The following CALB1 variants were observed in gnomAD, a reference collection of about 807,000 sequenced individuals.
The protein encoded by CALB1 is calbindin.
A neutral mutation model predicts 46.7 loss-of-function variants in CALB1; 16 were observed. That is an observed-to-expected ratio of 0.34 (90% CI 0.23 to 0.52). The LOEUF (loss-of-function observed/expected upper bound fraction) is 0.52. Ranked by LOEUF, CALB1 falls within the 20% of genes least tolerant of loss-of-function variation. CALB1 has a pLI of 0.95. For synonymous variants in CALB1, 90 were observed against 112.8 expected, an observed-to-expected ratio of 0.80 and a Z score of 1.28; for missense variants, 224 against 300.3, an observed-to-expected ratio of 0.75 and a Z score of 1.88.
rs1001785413 is a variant in CALB1 at position 90,058,857 on chromosome 8, G to A, written c.*1316C>T. 7.9e-5 allele frequency: 12 copies of A among 152,136 alleles called. No homozygotes were observed. The highest frequency in any genetic ancestry group is 2.9e-4 in the African/African-American group (12 of 41,436). The allele number at this position is 152,136 out of a possible 1,614,324, so 9.4% of individuals were successfully genotyped here. On this transcript the variant is annotated 3_prime_UTR_variant, in exon 11 of 11. Transcript: ENST00000265431. ...GGGGACATTCAAGCTGACCCAGAAC[G>A]ATCATTAACTCCTAGGCAGTAACTG...
chr8:90,071,928 T>C (rs969279600), intron 3 of CALB1, among the ~76,000 whole-genome samples: 1 of 152,244 alleles, frequency 6.6e-6, no homozygotes, highest in Non-Finnish European at 1.5e-5. Flanking sequence ...AATACTTTTC[T>C]GCATCCCCTG....
intron 3 of CALB1, among the ~76,000 whole-genome samples, chr8:90,072,941 A>G (rs1814559931): frequency 6.6e-6 from 1 of 152,124 alleles, no homozygotes; most frequent in East Asian, 1.9e-4. Context: ...GGAAATAAGT[A>G]GAATCCCTCA....
In CALB1 at chr8:90,082,797, G is replaced by T; in HGVS notation, c.-100C>A. 1 of 1,180,702 alleles carries T rather than the reference G, an allele frequency of 8.5e-7. No homozygotes were observed. The highest frequency in any genetic ancestry group is 1.3e-6 in the Non-Finnish European group (1 of 788,604). The allele number at this position is 1,180,702 out of a possible 1,614,324, so 73.1% of individuals were successfully genotyped here. ...CTCAGCGTGTGCGCGAGTCAGGGCT[G>T]CGGAGGGAGACCTGGGCGCGGGCGC... On this transcript the variant is annotated 5_prime_UTR_variant, in exon 1 of 11. Coordinates refer to ENST00000265431, the MANE Select transcript of CALB1 (RefSeq NM_004929.4).
At chr8:90,078,502 T>A in intron 2 of CALB1, 55 bp from the exon 3 acceptor site, 5 of 993,232 alleles carry the variant, frequency 5.0e-6, no homozygotes, top group Non-Finnish European at 6.2e-6. Context: ...CAGTTATGCT[T>A]GTGATGGTGT....
intron 5 of CALB1, among the ~76,000 whole-genome samples, chr8:90,068,550 G>C (rs934143396): frequency 1.3e-5 from 2 of 151,822 alleles, no homozygotes; most frequent in African/African-American, 4.9e-5. Flanking sequence ...TCCTCAATGG[G>C]GTAATACAAT....
chr8:90,060,736 T>C lies in CALB1; in HGVS notation c.601-36A>G, dbSNP rs199901852. 3 of 1,428,562 alleles carry C rather than the reference T, an allele frequency of 2.1e-6. No homozygotes were observed. In the African/African-American group the frequency reaches 4.2e-5, roughly 20 times the overall value. The allele number at this position is 1,428,562 out of a possible 1,614,324, so 88.5% of individuals were successfully genotyped here. ...AGAAATAAAATAGTATACAACCAAC[T>C]CCATCTACAGTAGTGGGAAATGAAG... On this transcript the variant is annotated intron_variant, in intron 9 of 10. Coordinates refer to ENST00000265431, the MANE Select transcript of CALB1 (RefSeq NM_004929.4).
intron 2 of CALB1, among the ~76,000 whole-genome samples, chr8:90,080,174 T>C (rs570473747): frequency 6.6e-5 from 10 of 151,960 alleles, no homozygotes; most frequent in Non-Finnish European, 1.0e-4. Context: ...CCTATAACTA[T>C]GCTTGTTTAG....
rs991091073 is a variant in CALB1 at position 90,082,112 on chromosome 8, C to T, written c.80-10G>A. On this transcript the variant is annotated splice_polypyrimidine_tract_variant and intron_variant, in intron 1 of 10. Coordinates refer to ENST00000265431, the MANE Select transcript of CALB1 (RefSeq NM_004929.4). ...TCCAGGTAACCACTTCCTGCAAAGA[C>T]AAAGAGGCACCCAGGTGTCAGATAT... The T allele has an allele frequency of 6.2e-7, 1 of 1,610,730 alleles. No individual in the cohort carries two copies. The highest frequency in any genetic ancestry group is 1.1e-5 in the South Asian group (1 of 90,924).
intron 3 of CALB1, among the ~76,000 whole-genome samples, chr8:90,077,041 G>C (rs1814634234): frequency 6.6e-6 from 1 of 151,906 alleles, no homozygotes; most frequent in Non-Finnish European, 1.5e-5. Context: ...CTCTAAAAGA[G>C]CCAATCCGTA....
At chr8:90,065,215 A>C (rs956565871) in intron 6 of CALB1, among the ~76,000 whole-genome samples, 2 of 151,250 alleles carry the variant, frequency 1.3e-5, no homozygotes, top group East Asian at 1.9e-4. Flanking sequence ...TTTATCTGGA[A>C]CCTTATTTAT....
At chr8:90,067,429 C>T (rs1814421534) in intron 5 of CALB1, among the ~76,000 whole-genome samples, 1 of 152,042 alleles carries the variant, frequency 6.6e-6, no homozygotes, top group Non-Finnish European at 1.5e-5. Flanking sequence ...TCATTATGAA[C>T]TAAAAAGGAT....
At chr8:90,077,926 A>G (rs1586184847) in intron 3 of CALB1, among the ~76,000 whole-genome samples, 1 of 152,082 alleles carries the variant, frequency 6.6e-6, no homozygotes, top group African/African-American at 2.4e-5. Context: ...TTTCACAGGG[A>G]CTGCAAACAT....
At chr8:90,066,762 G>A (rs1805872) in intron 5 of CALB1, among the ~76,000 whole-genome samples, 6,381 of 152,152 alleles carry the variant, frequency 0.042, 197 homozygotes, top group East Asian at 0.1. Flanking sequence ...CCATATAAGT[G>A]ACAGTGTAAG....
intron 6 of CALB1, chr8:90,064,289 G>T (rs1351057784): frequency 6.6e-6 from 1 of 151,662 alleles, no homozygotes; most frequent in Non-Finnish European, 1.5e-5. Context: ...ATCTTTTGTA[G>T]GAGGCAGATT....
In CALB1 at chr8:90,060,216, T is replaced by G; in HGVS notation, c.743A>C (p.Tyr248Ser). The change falls in exon 11 of 11, where the codon TAC (tyrosine) becomes TCC (serine). Residue 248 changes from tyrosine (Y) to serine (S), a missense_variant. By Grantham distance (144) the Tyr-to-Ser change is moderately radical. Transcript: ENST00000265431. ...IMALSDGGKL[Y>S]RTDLALILCA... is the part of the protein sequence containing the mutation. ...GAGAATAAGAGCAAGATCCGTTCGG[T>G]ACAGCTTCCCTCCATCCGACAAAGC... 6.2e-7 allele frequency: 1 copy of G among 1,613,854 alleles called. No individual in the cohort carries two copies. The highest frequency in any genetic ancestry group is 8.5e-7 in the Non-Finnish European group (1 of 1,179,742).
In CALB1 at chr8:90,059,163, A is replaced by T. The variant is rs1414361858; in HGVS notation, c.*1010T>A. ...TTTTGAATGCTGATCTCAATATGAA[A>T]TATAGAATCCACAGAATACACAAAA... On this transcript the variant is annotated 3_prime_UTR_variant, in exon 11 of 11. Transcript: ENST00000265431. The T allele has an allele frequency of 2.6e-5, 4 of 152,642 alleles. No individual in the cohort carries two copies. The highest frequency in any genetic ancestry group is 1.3e-4 in the Admixed American group (2 of 15,286). The allele number at this position is 152,642 out of a possible 1,614,324, so 9.5% of individuals were successfully genotyped here. A position where few individuals can be genotyped will look rare whatever the true frequency, so the allele number is the denominator to read the frequency against.
intron 3 of CALB1, among the ~76,000 whole-genome samples, chr8:90,073,070 T>G (rs1171503880): frequency 6.6e-6 from 1 of 152,236 alleles, no homozygotes; most frequent in African/African-American, 2.4e-5. Flanking sequence ...GGTCTGTGTC[T>G]TATTTACTGT....
chr8:90,074,920 G>A (rs529899917), intron 3 of CALB1, among the ~76,000 whole-genome samples: 1 of 152,142 alleles, frequency 6.6e-6, no homozygotes. Flanking sequence ...TCTATTATCT[G>A]CTAAATCATT....
At chr8:90,075,789 T>A (rs1397546061) in intron 3 of CALB1, among the ~76,000 whole-genome samples, 4 of 152,028 alleles carry the variant, frequency 2.6e-5, no homozygotes, top group African/African-American at 9.7e-5. Context: ...ATTGAAGCAA[T>A]CTCCTATTTT....
Sources: allele counts gnomAD v4.1 joint callset (sites outside exome capture counted in the v4.1 genomes callset), GRCh38; gene constraint gnomAD v4.1.1; transcripts MANE v1.5; gene names NCBI Gene and HGNC (gene_info 2026-07-23, HGNC 2026-07-21).